The following ADCY7 variants were observed in gnomAD, a reference collection of about 807,000 sequenced individuals.
ADCY7 encodes the protein adenylate cyclase type 7.
A neutral mutation model predicts 120.6 loss-of-function variants in ADCY7; 72 were observed. The ratio of observed to expected loss-of-function variants is 0.60; its 90% CI spans 0.49 to 0.73. The LOEUF is 0.73. ADCY7 is among the 30% of genes least tolerant of loss of function. The pLI, the probability that ADCY7 is intolerant of heterozygous loss-of-function variation, is 0.00. For missense variants in ADCY7, 1,227 were observed against 1,486.0 expected (o/e 0.83, Z 2.87); for synonymous variants, 661 against 628.0 (o/e 1.05, Z -0.78).
At chr16:50,303,809 G>A (rs2035886711) in intron 10 of ADCY7, among the ~76,000 whole-genome samples, 1 of 146,136 alleles carries the variant, frequency 6.8e-6, no homozygotes, top group South Asian at 2.2e-4. Context: ...CTGGCCTCTG[G>A]CTTGGCCATT....
intron 1 of ADCY7, among the ~76,000 whole-genome samples, chr16:50,276,364 G>T (rs2033891852): frequency 6.6e-6 from 1 of 152,214 alleles, no homozygotes; most frequent in Admixed American, 6.5e-5. Flanking sequence ...GGGGACAGGT[G>T]CCGGGCCCTC....
chr16:50,299,543 G>A (rs2151011679), intron 8 of ADCY7, among the ~76,000 whole-genome samples: 1 of 152,362 alleles, frequency 6.6e-6, no homozygotes, highest in Non-Finnish European at 1.5e-5. Context: ...TGTATGGGGA[G>A]AGGGCCAGGC....
intron 1 of ADCY7, among the ~76,000 whole-genome samples, chr16:50,274,735 G>A (rs1340599850): frequency 6.6e-6 from 1 of 152,168 alleles, no homozygotes; most frequent in Admixed American, 6.5e-5. Context: ...GAGCTCCATG[G>A]GTGGCACGCT....
intron 8 of ADCY7, among the ~76,000 whole-genome samples, chr16:50,299,983 G>T (rs1036323916): frequency 6.6e-6 from 1 of 152,332 alleles, no homozygotes; most frequent in South Asian, 2.1e-4. Flanking sequence ...CAGGGATTGG[G>T]GGGGCATAGA....
intron 10 of ADCY7, chr16:50,301,610 G>T (rs1441992053): frequency 4.9e-6 from 1 of 204,502 alleles, no homozygotes; most frequent in Non-Finnish European, 1.0e-5. Flanking sequence ...AGGAAAGCAG[G>T]GAGTGGCCTG....
intron 1 of ADCY7, among the ~76,000 whole-genome samples, chr16:50,259,901 G>C (rs565525830): frequency 2.0e-5 from 3 of 152,198 alleles, no homozygotes; most frequent in Non-Finnish European, 4.4e-5. Flanking sequence ...TGAGCCCACA[G>C]CTGAGAAGAG....
chr16:50,266,490 T>TGCCGCCGCC (rs955709759), upstream of ADCY7: 29 of 164,532 alleles, frequency 1.8e-4, no homozygotes, highest in African/African-American at 6.5e-4. Flanking sequence ...TTAGCCTTGC[T>TGCCGCCGCC]GCCGCCGCCG....
intron 1 of ADCY7, among the ~76,000 whole-genome samples, chr16:50,258,294 G>A (rs1043138581): frequency 6.6e-6 from 1 of 152,110 alleles, no homozygotes. Flanking sequence ...ACTGTGATAT[G>A]TTTCTTCAGT....
chr16:50,274,761 G>C (rs1005959248), intron 1 of ADCY7, among the ~76,000 whole-genome samples: 2 of 152,280 alleles, frequency 1.3e-5, no homozygotes, highest in Middle Eastern at 3.4e-3. Context: ...CTGGGTGGGA[G>C]AGGCCTCTCC....
chr16:50,297,005 G>A lies in ADCY7; in HGVS notation c.949-1899G>A, dbSNP rs1273502486. On this transcript the variant is annotated intron_variant, in intron 7 of 25. Transcript: ENST00000673801. This position sits in a 1 kb window ranked among gnomAD's most constrained non-coding sequence, Gnocchi z 4.4. ...CATGTGAGGCAGGGGCCCTGGGCTCGGGCCACAGCTGGCCCTTTCCTTACC... is the reference window on the plus strand; with the variant it reads ...CATGTGAGGCAGGGGCCCTGGGCTCAGGCCACAGCTGGCCCTTTCCTTACC... Among the ~76,000 whole-genome samples, 5 of 152,190 alleles carry A rather than the reference G, an allele frequency of 3.3e-5. No homozygotes were observed. The highest frequency in any genetic ancestry group is 1.9e-4 in the East Asian group (1 of 5,188).
In ADCY7 at chr16:50,305,847, G is replaced by A. The variant is rs753451020; in HGVS notation, c.1750G>A (p.Glu584Lys). 5.0e-6 allele frequency: 8 copies of A among 1,613,586 alleles called. No individual in the cohort carries two copies. The highest frequency in any genetic ancestry group is 2.2e-5 in the East Asian group (1 of 44,904). Residue 584 changes from glutamate to lysine, a missense_variant and splice_region_variant, in exon 14 of 26, where the codon GAG becomes AAG. Glu to Lys is a moderately conservative substitution (Grantham distance 56). Coordinates refer to ENST00000673801, the MANE Select transcript of ADCY7 (RefSeq NM_001114.5). Reference sequence around the variant, plus strand: ...CTTCCTGGAGAAGGGCTTTGAGCGCGAGGTGAGGGCCCCCAGCAGCCTCCT... The same window carrying A: ...CTTCCTGGAGAAGGGCTTTGAGCGCAAGGTGAGGGCCCCCAGCAGCCTCCT... ...SIFLEKGFER[E>K]YRLAPIPRAR...
chr16:50,289,500 T>C (rs1464000350), intron 2 of ADCY7, among the ~76,000 whole-genome samples: 1 of 152,242 alleles, frequency 6.6e-6, no homozygotes. Context: ...AGTTTTGCTC[T>C]TATTGCCCAG....
At chr16:50,302,686 A>G (rs1318575579) in intron 10 of ADCY7, among the ~76,000 whole-genome samples, 3 of 150,370 alleles carry the variant, frequency 2.0e-5, no homozygotes, top group Non-Finnish European at 2.9e-5. Context: ...CTCAGAGGGG[A>G]CCTGTGCAGT....
At chr16:50,308,525 G>A in intron 16 of ADCY7, 114 bp downstream of exon 16, 1 of 1,564,938 alleles carries the variant, frequency 6.4e-7, no homozygotes, top group South Asian at 1.2e-5. Context: ...TCAAGGTTGG[G>A]TGCCCATCTC....
chr16:50,298,855 G>T, intron 7 of ADCY7, 49 bp from the exon 8 acceptor site: 1 of 1,586,424 alleles, frequency 6.3e-7, no homozygotes, highest in Non-Finnish European at 8.6e-7. Flanking sequence ...GTCGTGAGAG[G>T]TCCCAGCCCC....
intron 22 of ADCY7, 78 bp from the exon 23 acceptor site, chr16:50,313,880 A>G: frequency 1.6e-6 from 2 of 1,230,170 alleles, no homozygotes; most frequent in Non-Finnish European, 2.4e-6. Flanking sequence ...GGAACCCCAC[A>G]CCCTTCCTGA....
At chr16:50,280,006 TC>T (rs1357218861) in intron 1 of ADCY7, among the ~76,000 whole-genome samples, 2 of 152,192 alleles carry the variant, frequency 1.3e-5, no homozygotes, top group African/African-American at 4.8e-5. Flanking sequence ...TTGAATAGTT[TC>T]TGTGGGAATG....
intron 1 of ADCY7, among the ~76,000 whole-genome samples, chr16:50,261,212 T>G (rs779835581): frequency 2.6e-5 from 4 of 152,182 alleles, no homozygotes; most frequent in African/African-American, 4.8e-5. Context: ...AAAGTGGACA[T>G]GACATCCTCT....
chr16:50,308,910 G>A, intron 17 of ADCY7, 118 bp downstream of exon 17: 1 of 1,318,660 alleles, frequency 7.6e-7, no homozygotes, highest in Non-Finnish European at 1.0e-6. Flanking sequence ...AGCTCAGCAG[G>A]TGGATGTGGG....
Sources: allele counts gnomAD v4.1 joint callset (sites outside exome capture counted in the v4.1 genomes callset), GRCh38; gene constraint gnomAD v4.1.1; non-coding constraint Gnocchi (gnomAD v3.1); transcripts MANE v1.5; gene names NCBI Gene and HGNC (gene_info 2026-07-23, HGNC 2026-07-21).